Variants in SEMA7A observed in about 807,000 individuals in gnomAD.
The protein encoded by SEMA7A is semaphorin-7A.
In SEMA7A, 21 loss-of-function variants were observed where a neutral mutation model predicts 67.5. The ratio of observed to expected loss-of-function variants is 0.31; its 90% CI spans 0.22 to 0.45. The LOEUF (loss-of-function observed/expected upper bound fraction) is 0.45. SEMA7A is among the 20% of genes least tolerant of loss of function. SEMA7A has a pLI of 1.00. For missense variants in SEMA7A, 774 were observed against 908.6 expected (o/e 0.85, Z 1.90); for synonymous variants, 364 against 368.5 (o/e 0.99, Z 0.14).
At position 74,414,584 on chromosome 15, in the gene SEMA7A, G is replaced by C; in HGVS notation, c.1257C>G (p.Ser419Arg). The change falls in exon 10 of 14, where the codon AGC becomes AGG. Residue 419 changes from serine (S) to arginine (R), a missense_variant. This residue lies in a region of SEMA7A where 427 missense variants were observed against 555.4 expected (regional missense o/e 0.77). Coordinates refer to ENST00000261918, the MANE Select transcript of SEMA7A (RefSeq NM_003612.5). This position sits in a 1 kb window ranked among gnomAD's most constrained non-coding sequence, Gnocchi z 4.1. ...AAAGCACATGAAAGGTCTCCCCGTG[G>C]CTGGCTTGCATGCGGTGGACGGCCA... ...QKVAVHRMQA[S>R]HGETFHVLYL... 6.2e-7 allele frequency: 1 copy of C among 1,614,232 alleles called. No individual in the cohort carries two copies. Among genetic ancestry groups the C allele is most frequent in the Middle Eastern group, 1.6e-4 (1 of 6,062 alleles).
intron 10 of SEMA7A, among the ~76,000 whole-genome samples, 188 bp from the exon 11 acceptor site, chr15:74,412,200 G>A (rs1596186915): frequency 3.3e-5 from 5 of 152,214 alleles, no homozygotes; most frequent in Admixed American, 3.3e-4. Flanking sequence ...ACCTTCCAAG[G>A]CTGATCCAGA....
chr15:74,417,422 G>C lies in SEMA7A; in HGVS notation c.574C>G (p.Arg192Gly), dbSNP rs996482431. ...ATCTTCCCATTGTATTCCTGCTTCC[G>C]GATGGTGGAATACACCTCGTCCCCT... Reference protein sequence around the residue: ...FEGDEVYSTIRKQEYNGKIPR... With the variant: ...FEGDEVYSTIGKQEYNGKIPR... The change falls in exon 6 of 14, where the codon CGG (arginine) becomes GGG (glycine). Residue 192 changes from arginine (R) to glycine (G), a missense_variant. By Grantham distance (125) the Arg-to-Gly change is moderately radical. This residue lies in a region of SEMA7A where 347 missense variants were observed against 353.2 expected (regional missense o/e 0.98). Transcript: ENST00000261918. The C allele has an allele frequency of 1.9e-6, 3 of 1,613,944 alleles. No homozygotes were observed. The Admixed American group carries it at 5.0e-5, about 27-fold the overall frequency.
intron 1 of SEMA7A, among the ~76,000 whole-genome samples, chr15:74,427,907 T>C (rs903326334): frequency 6.6e-6 from 1 of 152,096 alleles, no homozygotes; most frequent in Non-Finnish European, 1.5e-5. Context: ...TTCCTGCCTC[T>C]CCCCCAGAGG....
chr15:74,416,128 C>T (rs2060946117), intron 7 of SEMA7A, 143 bp from the exon 8 acceptor site: 1 of 819,754 alleles, frequency 1.2e-6, no homozygotes, highest in African/African-American at 1.7e-5. Context: ...GCCGGGGGTG[C>T]CCCAGGACTC....
Position 74,417,390 on chromosome 15 carries a change from C to T in SEMA7A, c.606G>A (p.Arg202=), listed in dbSNP as rs1172689822. 1.5e-5 allele frequency: 24 copies of T among 1,613,974 alleles called. No individual in the cohort carries two copies. Among genetic ancestry groups the T allele is most frequent in the Non-Finnish European group, 2.0e-5 (24 of 1,180,030 alleles). The change falls in exon 6 of 14, where the codon CGG becomes CGA. Residue 202 remains arginine (R), a synonymous_variant. Coordinates refer to ENST00000261918, the MANE Select transcript of SEMA7A (RefSeq NM_003612.5). The part of the protein sequence containing the change: ...RKQEYNGKIP[R]FRRIRGESEL... ...CACTCTCGCCCCGGATGCGGCGGAA[C>T]CGAGGGATCTTCCCATTGTATTCCT...
At position 74,417,457 on chromosome 15, in the gene SEMA7A, G is replaced by A. The variant is rs376552865; in HGVS notation, c.551-12C>T. On this transcript the variant is annotated splice_polypyrimidine_tract_variant and intron_variant, in intron 5 of 13. Transcript: ENST00000261918. ...ATACACCTCGTCCCCTGGGGTCAGT[G>A]GGAGGGAGAAATGAGTAAGGGCAGG... 3.1e-6 allele frequency: 5 copies of A among 1,610,572 alleles called. No individual in the cohort carries two copies. In the African/African-American group the frequency reaches 5.3e-5, roughly 17 times the overall value.
intron 1 of SEMA7A, among the ~76,000 whole-genome samples, chr15:74,419,880 T>G (rs1262898312): frequency 6.6e-6 from 1 of 152,186 alleles, no homozygotes; most frequent in African/African-American, 2.4e-5. Flanking sequence ...AGCCACTGCC[T>G]CTGGGGAGGT....
chr15:74,433,503 T>C, intron 1 of SEMA7A: 1 of 1,151,662 alleles, frequency 8.7e-7, no homozygotes, highest in Non-Finnish European at 1.1e-6. Context: ...TGGTGCGACT[T>C]AGCCGGGGCT....
intron 1 of SEMA7A, among the ~76,000 whole-genome samples, chr15:74,426,660 C>G (rs964390511): frequency 4.6e-5 from 7 of 152,156 alleles, no homozygotes; most frequent in Admixed American, 1.3e-4. Context: ...CCTGTTATCC[C>G]AGCACTTCGG....
intron 1 of SEMA7A, among the ~76,000 whole-genome samples, chr15:74,420,049 T>C (rs913773826): frequency 2.0e-5 from 3 of 152,086 alleles, no homozygotes; most frequent in Non-Finnish European, 4.4e-5. Context: ...CTGACCACTG[T>C]TTTTTCAGCT....
chr15:74,433,675 C>T, intron 1 of SEMA7A, 66 bp downstream of exon 1: 8 of 1,359,906 alleles, frequency 5.9e-6, no homozygotes, highest in Non-Finnish European at 7.5e-6. Flanking sequence ...CCGGGTGCAG[C>T]ACACTCCGCA....
chr15:74,426,198 C>T (rs1461110456), intron 1 of SEMA7A, among the ~76,000 whole-genome samples: 2 of 152,166 alleles, frequency 1.3e-5, no homozygotes, highest in Non-Finnish European at 2.9e-5. Context: ...TCGCTTGAAC[C>T]CAGGAGGCAG....
Position 74,411,229 on chromosome 15 carries a change from G to A in SEMA7A, c.1639+66C>T, listed in dbSNP as rs1358600226. The A allele has an allele frequency of 6.5e-7, 1 of 1,538,808 alleles. No homozygotes were observed. The highest frequency in any genetic ancestry group is 1.8e-5 in the Admixed American group (1 of 56,990). ...CAAGGCCATGTCTCCCTCAGACCAG[G>A]ACAATCAGGGCAGGGCAGTACCCCA... On this transcript the variant is annotated intron_variant, in intron 13 of 13. Transcript: ENST00000261918. The surrounding 1 kb of genome is among the most constrained non-coding windows in gnomAD (Gnocchi z 4.4).
In SEMA7A at chr15:74,410,766, T is replaced by G. The variant is rs776887376; in HGVS notation, c.1859A>C (p.Tyr620Ser). The change falls in exon 14 of 14, where the codon TAC (tyrosine) becomes TCC (serine). Residue 620 changes from tyrosine (Y) to serine (S), a missense_variant. By Grantham distance (144) the Tyr-to-Ser change is moderately radical. Transcript: ENST00000261918. This position sits in a 1 kb window ranked among gnomAD's most constrained non-coding sequence, Gnocchi z 7.5. ...CTGCCAGTGCTGAGCCTCGCGGAAG[T>G]AGGAGCCCTCCTGGGCCTCGCAGAA... ...HYFCEAQEGS[Y>S]FREAQHWQLL... The G allele has an allele frequency of 6.2e-7, 1 of 1,614,070 alleles. No homozygotes were observed. The highest frequency in any genetic ancestry group is 8.5e-7 in the Non-Finnish European group (1 of 1,180,006).
At position 74,423,782 on chromosome 15, in the gene SEMA7A, G is replaced by A. The variant is rs557753522; in HGVS notation, c.179-4830C>T. Among the ~76,000 whole-genome samples the A allele has an allele frequency of 6.6e-6, 1 of 152,208 alleles. No homozygotes were observed. The highest frequency in any genetic ancestry group is 1.9e-4 in the East Asian group (1 of 5,196). On this transcript the variant is annotated intron_variant, in intron 1 of 13. Transcript: ENST00000261918. The surrounding 1 kb of genome is among the most constrained non-coding windows in gnomAD (Gnocchi z 4.1). Reference sequence around the variant, plus strand: ...GGTAGAGGAAACCCTTCCACTAGGGGTGGGAATACAGGAACAAATGTTTCT... The same window carrying A: ...GGTAGAGGAAACCCTTCCACTAGGGATGGGAATACAGGAACAAATGTTTCT...
At position 74,409,420 on chromosome 15, in the gene SEMA7A, C is replaced by A; in HGVS notation, c.*1204G>T. 6.6e-6 allele frequency: 1 copy of A among 152,404 alleles called. No individual in the cohort carries two copies. The allele number at this position is 152,404 out of a possible 1,614,324, so 9.4% of individuals were successfully genotyped here. A position where few individuals can be genotyped will look rare whatever the true frequency, so the allele number is the denominator to read the frequency against. On this transcript the variant is annotated 3_prime_UTR_variant, in exon 14 of 14. Transcript: ENST00000261918. ...GTGGCCAGACACAGCCGGAGAAGGG[C>A]CCAGCTCCCCCCTGAAATGGATGGA...
rs775881353 is a variant in SEMA7A at position 74,416,549 on chromosome 15, C to G, written c.801+26G>C. On this transcript the variant is annotated intron_variant, in intron 7 of 13. Coordinates refer to ENST00000261918, the MANE Select transcript of SEMA7A (RefSeq NM_003612.5). ...GGCCTATTCATGCACAGACACGTAG[C>G]CAGCAGCCCTCACGCCCCTGCTCAC... 44 of 1,610,152 alleles carry G rather than the reference C, an allele frequency of 2.7e-5. No individual in the cohort carries two copies. The African/African-American group carries it at 4.7e-4, about 17-fold the overall frequency.
chr15:74,414,084 C>A lies in SEMA7A; in HGVS notation c.1294+463G>T, dbSNP rs184763160. Among the ~76,000 whole-genome samples the A allele has an allele frequency of 4.6e-5, 7 of 152,346 alleles. No homozygotes were observed. The highest frequency in any genetic ancestry group is 1.7e-4 in the African/African-American group (7 of 41,566). The stretch of plus-strand genomic sequence containing the variant: ...TGCCCCCTGGAACTCCTTCCTCATA[C>A]CTAATTTGTGCCCCATCAACTCCTC... On this transcript the variant is annotated intron_variant, in intron 10 of 13. Transcript: ENST00000261918. The surrounding 1 kb of genome is among the most constrained non-coding windows in gnomAD (Gnocchi z 4.1).
At chr15:74,412,750 T>C (rs1052210461) in intron 10 of SEMA7A, among the ~76,000 whole-genome samples, 5 of 151,666 alleles carry the variant, frequency 3.3e-5, no homozygotes, top group Admixed American at 6.6e-5. Flanking sequence ...TGGATTTCAC[T>C]AGTTTTTCCA....
Sources: gnomAD v4.1 joint callset for allele counts (sites outside exome capture counted in the v4.1 genomes callset) on GRCh38, gnomAD v4.1.1 for gene constraint, gnomAD v4.1.1 regional missense constraint, Gnocchi (gnomAD v3.1) non-coding constraint, MANE v1.5 for transcripts, NCBI Gene and HGNC (gene_info 2026-07-23, HGNC 2026-07-21) for gene names.